Variants in ASF1B observed in about 807,000 individuals in gnomAD.
ASF1B encodes histone chaperone ASF1B.
A neutral mutation model predicts 16.6 loss-of-function variants in ASF1B; 10 were observed. The ratio of observed to expected loss-of-function variants is 0.60; its 90% CI spans 0.37 to 1.02. The LOEUF is 1.02. Among genes scored for constraint, ASF1B ranks in the 50% least tolerant of loss-of-function variants. The pLI is 0.01. For synonymous variants in ASF1B, 101 were observed against 106.2 expected, an observed-to-expected ratio of 0.95 and a Z score of 0.30; for missense variants, 240 against 266.0, an observed-to-expected ratio of 0.90 and a Z score of 0.68.
chr19:14,129,535 G>C (rs566402548), intron 1 of ASF1B, among the ~76,000 whole-genome samples: 78 of 151,444 alleles, frequency 5.2e-4, no homozygotes, highest in African/African-American at 1.9e-3. Flanking sequence ...AAATTTAGCT[G>C]GGCATGATGG....
chr19:14,121,206 A>G (rs760060285), intron 3 of ASF1B: 45 of 424,646 alleles, frequency 1.1e-4, no homozygotes, highest in Non-Finnish European at 1.7e-4. Context: ...CTGCAGCCTC[A>G]AACTCCTGGG....
intron 1 of ASF1B, among the ~76,000 whole-genome samples, chr19:14,135,876 G>T (rs1275675651): frequency 1.3e-5 from 2 of 151,986 alleles, no homozygotes; most frequent in African/African-American, 4.8e-5. Flanking sequence ...GTTGAAGCGG[G>T]GGTCTTGCCA....
chr19:14,127,810 G>T (rs1281288376), intron 1 of ASF1B, among the ~76,000 whole-genome samples: 1 of 152,070 alleles, frequency 6.6e-6, no homozygotes, highest in African/African-American at 2.4e-5. Flanking sequence ...CTAATGTTTT[G>T]TATTTTTAGT....
At chr19:14,124,698 C>T (rs1381058116) in intron 2 of ASF1B, among the ~76,000 whole-genome samples, 2 of 152,138 alleles carry the variant, frequency 1.3e-5, no homozygotes, top group Admixed American at 1.3e-4. Context: ...TGAGGTCAAA[C>T]AAGGCAACAC....
chr19:14,126,255 G>C lies in ASF1B; in HGVS notation c.110-18C>G. The C allele has an allele frequency of 6.3e-6, 10 of 1,581,662 alleles. No individual in the cohort carries two copies. The highest frequency in any genetic ancestry group is 8.7e-6 in the Non-Finnish European group (10 of 1,155,920). On this transcript the variant is annotated intron_variant, in intron 1 of 3. Transcript: ENST00000263382. ...CTCCAGGTCTGCAAAGATATAGGAG[G>C]GTTAACTAATTGAAATAGCTCAACA...
chr19:14,125,147 A>C (rs1967299078), intron 2 of ASF1B, among the ~76,000 whole-genome samples: 3 of 152,006 alleles, frequency 2.0e-5, no homozygotes, highest in Admixed American at 2.0e-4. Flanking sequence ...TTGTATTTTT[A>C]GTAGAGACGG....
chr19:14,123,364 G>T (rs1353039825), intron 2 of ASF1B, among the ~76,000 whole-genome samples: 6 of 146,096 alleles, frequency 4.1e-5, no homozygotes, highest in Non-Finnish European at 7.6e-5. Flanking sequence ...ATCTCCATTT[G>T]TTTTTTCTTT....
Position 14,136,557 on chromosome 19 carries a change from A to G in ASF1B, c.-101T>C. ...CAGTGGGGTAGGGCTGACCAGGTCCACTCCCGCCTCTTCTCTCCGAGAACT... is the reference window on the plus strand; with the variant it reads ...CAGTGGGGTAGGGCTGACCAGGTCCGCTCCCGCCTCTTCTCTCCGAGAACT... On this transcript the variant is annotated 5_prime_UTR_variant, in exon 1 of 4. Transcript: ENST00000263382. 2 of 869,426 alleles carry G rather than the reference A, an allele frequency of 2.3e-6. No individual in the cohort carries two copies. The highest frequency in any genetic ancestry group is 1.9e-5 in the South Asian group (1 of 53,894). 53.9% of individuals were successfully genotyped at this position (869,426 alleles called of 1,614,324 possible).
intron 1 of ASF1B, among the ~76,000 whole-genome samples, chr19:14,130,787 G>GTGTGTA (rs141600762): frequency 7.0e-6 from 1 of 142,440 alleles, no homozygotes; most frequent in African/African-American, 2.6e-5. Context: ...GTGTTTGTGT[G>GTGTGTA]TATATATATA....
At position 14,130,787 on chromosome 19, in the gene ASF1B, G is replaced by GTGTATATATATA. The variant is rs141600762; in HGVS notation, c.110-4551_110-4550insTATATATATACA. Among the ~76,000 whole-genome samples the GTGTATATATATA allele has an allele frequency of 2.9e-3, 407 of 142,452 alleles. 2 individuals carry two copies. Among genetic ancestry groups the GTGTATATATATA allele is most frequent in the African/African-American group, 0.01 (391 of 38,312 alleles). 93.5% of individuals were successfully genotyped at this position (142,452 alleles called of 152,430 possible). On this transcript the variant is annotated intron_variant, in intron 1 of 3. Coordinates refer to ENST00000263382, the MANE Select transcript of ASF1B (RefSeq NM_018154.3). The stretch of plus-strand genomic sequence containing the variant: ...ACATACCTCCACTGTGTGTTTGTGT[G>GTGTATATATATA]TATATATATATATATATATATATAA...
chr19:14,127,548 A>G (rs1967337030), intron 1 of ASF1B, among the ~76,000 whole-genome samples: 1 of 152,060 alleles, frequency 6.6e-6, no homozygotes, highest in Non-Finnish European at 1.5e-5. Context: ...GGAGCCAGCC[A>G]CCCTGGTCTT....
chr19:14,132,211 T>C (rs1027910223), intron 1 of ASF1B, among the ~76,000 whole-genome samples: 2 of 151,966 alleles, frequency 1.3e-5, no homozygotes, highest in Non-Finnish European at 2.9e-5. Context: ...GATGTTTCTG[T>C]AGAGACAAGG....
In ASF1B at chr19:14,121,568, C is replaced by G; in HGVS notation, c.366G>C (p.Leu122=). Reference sequence around the variant, plus strand: ...CTGGCTTCATGGGCGGGTTCTCACGCAGCTCAGGGTTGAGGTACTCGTTGT... The same window carrying G: ...CTGGCTTCATGGGCGGGTTCTCACGGAGCTCAGGGTTGAGGTACTCGTTGT... ...YVNNEYLNPE[L]RENPPMKPDF... The change falls in exon 3 of 4, where the codon CTG becomes CTC. Residue 122 remains leucine, a synonymous_variant. Coordinates refer to ENST00000263382, the MANE Select transcript of ASF1B (RefSeq NM_018154.3). The G allele has an allele frequency of 6.2e-7, 1 of 1,613,992 alleles. No individual in the cohort carries two copies. Among genetic ancestry groups the G allele is most frequent in the Non-Finnish European group, 8.5e-7 (1 of 1,179,986 alleles).
At chr19:14,126,018 G>C (rs1967312183) in intron 2 of ASF1B, 104 bp downstream of exon 2, 5 of 919,320 alleles carry the variant, frequency 5.4e-6, no homozygotes, top group Non-Finnish European at 8.1e-6. Context: ...CCCGTGCCCA[G>C]CTGAACTTGA....
intron 1 of ASF1B, among the ~76,000 whole-genome samples, chr19:14,130,270 C>T (rs1224443463): frequency 6.6e-6 from 1 of 151,746 alleles, no homozygotes; most frequent in Non-Finnish European, 1.5e-5. Context: ...ACTGTGTTAG[C>T]CAAGATGGTC....
intron 1 of ASF1B, among the ~76,000 whole-genome samples, chr19:14,129,319 T>C (rs1217519015): frequency 1.3e-5 from 2 of 152,070 alleles, no homozygotes; most frequent in Non-Finnish European, 2.9e-5. Context: ...AATGGCTCTT[T>C]CAACCAGGGC....
At chr19:14,133,910 TCTC>T (rs1176198805) in intron 1 of ASF1B, among the ~76,000 whole-genome samples, 1 of 147,290 alleles carries the variant, frequency 6.8e-6, no homozygotes, top group Non-Finnish European at 1.5e-5. Context: ...TTCACGCCAT[TCTC>T]CTGCCTCAGC....
At chr19:14,126,589 A>G (rs1377294139) in intron 1 of ASF1B, among the ~76,000 whole-genome samples, 1 of 152,140 alleles carries the variant, frequency 6.6e-6, no homozygotes, top group African/African-American at 2.4e-5. Flanking sequence ...CTCCTGTCTC[A>G]GCCTACTGAG....
intron 1 of ASF1B, among the ~76,000 whole-genome samples, chr19:14,133,034 G>C (rs1218365639): frequency 6.6e-6 from 1 of 151,166 alleles, no homozygotes; most frequent in Non-Finnish European, 1.5e-5. Flanking sequence ...GCAGGAGAAT[G>C]GCGTGAACCC....
Sources: gnomAD v4.1 joint callset for allele counts (sites outside exome capture counted in the v4.1 genomes callset) on GRCh38, gnomAD v4.1.1 for gene constraint, MANE v1.5 for transcripts, NCBI Gene and HGNC (gene_info 2026-07-23, HGNC 2026-07-21) for gene names.